Variants in CNBD1 observed in about 807,000 individuals in gnomAD.
CNBD1 encodes cyclic nucleotide-binding domain-containing protein 1.
In CNBD1, 71 loss-of-function variants were observed where a neutral mutation model predicts 54.4. The ratio of observed to expected loss-of-function variants is 1.30; its 90% CI spans 1.08 to 1.59. CNBD1 has a LOEUF of 1.59. CNBD1 is among the 40% of genes most tolerant of loss of function. The pLI is 0.00. For synonymous variants in CNBD1, 182 were observed against 170.7 expected (o/e 1.07, Z -0.51); for missense variants, 659 against 518.0 (o/e 1.27, Z -2.64).
chr8:87,195,949 GT>G (rs1043794504), intron 4 of CNBD1, among the ~76,000 whole-genome samples: 23 of 151,922 alleles, frequency 1.5e-4, no homozygotes, highest in African/African-American at 5.3e-4. Context: ...ATTTACTGTT[GT>G]TTTTTTGGCA....
At chr8:87,227,139 C>A (rs1395776154) in intron 5 of CNBD1, among the ~76,000 whole-genome samples, 6 of 152,156 alleles carry the variant, frequency 3.9e-5, no homozygotes, top group African/African-American at 7.2e-5. Flanking sequence ...TGTGTCTCTG[C>A]ACATGAGATG....
At chr8:86,993,539 A>G (rs1479990976) in intron 4 of CNBD1, among the ~76,000 whole-genome samples, 1 of 152,162 alleles carries the variant, frequency 6.6e-6, no homozygotes, top group Non-Finnish European at 1.5e-5. Flanking sequence ...GTAGCTTTTT[A>G]AATTGCTAGA....
At chr8:87,213,535 A>T (rs1476428701) in intron 5 of CNBD1, among the ~76,000 whole-genome samples, 1 of 152,202 alleles carries the variant, frequency 6.6e-6, no homozygotes, top group Non-Finnish European at 1.5e-5. Context: ...TGAAACCATC[A>T]GATCTCATGA....
intron 4 of CNBD1, among the ~76,000 whole-genome samples, chr8:86,987,172 C>T (rs1160672886): frequency 6.6e-6 from 1 of 152,146 alleles, no homozygotes; most frequent in African/African-American, 2.4e-5. Context: ...TTATTTGTCT[C>T]ATCTCTGATT....
intron 8 of CNBD1, among the ~76,000 whole-genome samples, chr8:87,309,793 C>G (rs891772545): frequency 6.6e-6 from 1 of 152,000 alleles, no homozygotes; most frequent in Admixed American, 6.6e-5. Context: ...TTCTGTTATC[C>G]TCTTTCTTCT....
At chr8:86,917,796 C>G (rs1395965934) in intron 3 of CNBD1, among the ~76,000 whole-genome samples, 1 of 152,106 alleles carries the variant, frequency 6.6e-6, no homozygotes, top group African/African-American at 2.4e-5. Context: ...AGCCCTCCCC[C>G]AACACACACC....
At chr8:86,904,947 T>C in intron 2 of CNBD1, 134 bp from the exon 3 acceptor site, 1 of 405,122 alleles carries the variant, frequency 2.5e-6, no homozygotes, top group Non-Finnish European at 4.4e-6. Flanking sequence ...AAAATATTTA[T>C]ATTTTATATT....
intron 7 of CNBD1, 77 bp downstream of exon 7, chr8:87,284,892 G>A: frequency 9.9e-7 from 1 of 1,010,466 alleles, no homozygotes; most frequent in Middle Eastern, 2.3e-4. Flanking sequence ...TCTAGACAAA[G>A]ACAGCTATAT....
At chr8:87,358,053 T>C (rs1325682120) in intron 10 of CNBD1, among the ~76,000 whole-genome samples, 1 of 152,144 alleles carries the variant, frequency 6.6e-6, no homozygotes, top group Non-Finnish European at 1.5e-5. Context: ...TTCTCTGCCT[T>C]CCACCATGAA....
At chr8:87,109,627 C>T (rs1303735590) in intron 4 of CNBD1, among the ~76,000 whole-genome samples, 2 of 151,250 alleles carry the variant, frequency 1.3e-5, no homozygotes, top group African/African-American at 4.9e-5. Context: ...CAAGCTCCGC[C>T]TCCTGGGTTC....
intron 4 of CNBD1, among the ~76,000 whole-genome samples, chr8:87,030,863 C>T (rs1287971143): frequency 8.9e-6 from 1 of 112,268 alleles, no homozygotes; most frequent in Non-Finnish European, 1.9e-5. Flanking sequence ...CCCTCTCCTC[C>T]CTCTCCTCCC....
chr8:87,285,343 A>T (rs1367466199), intron 7 of CNBD1, among the ~76,000 whole-genome samples: 1 of 152,206 alleles, frequency 6.6e-6, no homozygotes, highest in African/African-American at 2.4e-5. Context: ...AGATAACTTC[A>T]TTTACTTAAA....
intron 4 of CNBD1, among the ~76,000 whole-genome samples, chr8:87,143,389 T>G (rs1812413235): frequency 2.0e-5 from 3 of 152,208 alleles, no homozygotes; most frequent in Admixed American, 1.3e-4. Context: ...TCAACACATT[T>G]AGTTCACTCA....
At chr8:86,906,722 A>G (rs7005614) in intron 3 of CNBD1, among the ~76,000 whole-genome samples, 119 of 152,320 alleles carry the variant, frequency 7.8e-4, no homozygotes, top group African/African-American at 2.8e-3. Context: ...TTATTCATTA[A>G]TCTACCAGCA....
intron 2 of CNBD1, among the ~76,000 whole-genome samples, chr8:87,401,481 T>G (rs953759986): frequency 6.6e-6 from 1 of 152,084 alleles, no homozygotes; most frequent in African/African-American, 2.4e-5. Context: ...GACTTTTCAC[T>G]GTGCCTTTGG....
At chr8:87,001,165 G>A (rs1467991823) in intron 4 of CNBD1, among the ~76,000 whole-genome samples, 1 of 151,408 alleles carries the variant, frequency 6.6e-6, no homozygotes, top group Non-Finnish European at 1.5e-5. Flanking sequence ...TTTTACTTAT[G>A]TCTGTTCTGT....
chr8:86,937,266 C>T (rs781443056), intron 3 of CNBD1, among the ~76,000 whole-genome samples: 1 of 152,084 alleles, frequency 6.6e-6, no homozygotes, highest in South Asian at 2.1e-4. Flanking sequence ...GAAAGACCTG[C>T]CCCCATGATT....
chr8:86,938,612 C>T (rs1285936846), intron 3 of CNBD1, among the ~76,000 whole-genome samples: 2 of 152,110 alleles, frequency 1.3e-5, no homozygotes, highest in African/African-American at 2.4e-5. Context: ...ACCATCAGAT[C>T]TTGTGAGACT....
chr8:87,016,981 G>T lies in CNBD1; in HGVS notation c.431+77227G>T, dbSNP rs116703624. 7.8e-3 allele frequency among the ~76,000 whole-genome samples: 1,183 copies of T among 152,254 alleles called. 12 individuals carry two copies. The highest frequency in any genetic ancestry group is 0.027 in the African/African-American group (1,141 of 41,556). ...GTCTGTTACCCACGTCATGGTAAATGTGGGGGTTAAAGGGGCCCCTTTTAC... is the reference window on the plus strand; with the variant it reads ...GTCTGTTACCCACGTCATGGTAAATTTGGGGGTTAAAGGGGCCCCTTTTAC... On this transcript the variant is annotated intron_variant, in intron 4 of 10. Coordinates refer to ENST00000518476, the MANE Select transcript of CNBD1 (RefSeq NM_173538.3).
Sources: allele counts gnomAD v4.1 joint callset (sites outside exome capture counted in the v4.1 genomes callset), GRCh38; gene constraint gnomAD v4.1.1; transcripts MANE v1.5; gene names NCBI Gene and HGNC (gene_info 2026-07-23, HGNC 2026-07-21).